Variants in COP1 observed in about 807,000 individuals in gnomAD.
COP1 encodes the protein E3 ubiquitin-protein ligase COP1.
A neutral mutation model predicts 101.3 loss-of-function variants in COP1; 24 were observed. The observed-to-expected ratio is 0.24, with a 90% CI of 0.17 to 0.33. The LOEUF is 0.33. COP1 is among the 10% of genes least tolerant of loss of function. The pLI is 1.00. For synonymous variants in COP1, 347 were observed against 341.9 expected, an observed-to-expected ratio of 1.01 and a Z score of -0.17; for missense variants, 663 against 906.2, an observed-to-expected ratio of 0.73 and a Z score of 3.45.
intron 14 of COP1, among the ~76,000 whole-genome samples, chr1:176,031,443 G>C (rs1236250607): frequency 6.6e-6 from 1 of 152,106 alleles, no homozygotes; most frequent in African/African-American, 2.4e-5. Flanking sequence ...TTGCAAGGAT[G>C]GTAGTAAGAA....
At chr1:176,041,823 A>C (rs1670594003) in intron 14 of COP1, among the ~76,000 whole-genome samples, 1 of 152,016 alleles carries the variant, frequency 6.6e-6, no homozygotes, top group Admixed American at 6.6e-5. Flanking sequence ...TAAAAAATTA[A>C]CTGGGTGAAG....
chr1:176,030,609 C>T (rs540086219), intron 14 of COP1, among the ~76,000 whole-genome samples: 3 of 152,056 alleles, frequency 2.0e-5, no homozygotes, highest in Non-Finnish European at 4.4e-5. Flanking sequence ...ACAACATTAA[C>T]CACCATGATT....
At position 176,036,935 on chromosome 1, in the gene COP1, A is replaced by T. The variant is rs369332609; in HGVS notation, c.1612+6251T>A. On this transcript the variant is annotated intron_variant, in intron 14 of 19. Coordinates refer to ENST00000367669, the MANE Select transcript of COP1 (RefSeq NM_022457.7). ...ATGCCCATAAATCTTGTAACAAATA[A>T]AATGTATCGATTCCCTGAAGGAAAT... 2.6e-3 allele frequency among the ~76,000 whole-genome samples: 400 copies of T among 152,302 alleles called. 3 individuals carry two copies. The highest frequency in any genetic ancestry group is 9.2e-3 in the African/African-American group (382 of 41,572).
At chr1:176,005,490 G>A (rs1288410821) in intron 15 of COP1, among the ~76,000 whole-genome samples, 1 of 152,110 alleles carries the variant, frequency 6.6e-6, no homozygotes, top group African/African-American at 2.4e-5. Flanking sequence ...TGGGCATTTA[G>A]TGCTATAAAT....
chr1:176,070,218 C>T (rs899951883), intron 11 of COP1, among the ~76,000 whole-genome samples: 1 of 152,118 alleles, frequency 6.6e-6, no homozygotes, highest in Non-Finnish European at 1.5e-5. Context: ...AACATCAAAT[C>T]AATCACGAAG....
intron 8 of COP1, among the ~76,000 whole-genome samples, chr1:176,121,898 T>A (rs1398403369): frequency 6.6e-6 from 1 of 151,946 alleles, no homozygotes; most frequent in Non-Finnish European, 1.5e-5. Context: ...CCCAGCACTT[T>A]AGGAGGCCAA....
intron 18 of COP1, among the ~76,000 whole-genome samples, chr1:175,980,669 C>T (rs79393117): frequency 0.042 from 6,340 of 152,060 alleles, 156 homozygotes; most frequent in Non-Finnish European, 0.047. Flanking sequence ...AAATGTCCAC[C>T]CTAATGACCA....
chr1:176,058,285 G>C (rs1434074041), intron 11 of COP1, among the ~76,000 whole-genome samples: 4 of 152,152 alleles, frequency 2.6e-5, no homozygotes, highest in African/African-American at 9.7e-5. Context: ...AGCTCATTGA[G>C]AACGGGCCAT....
At chr1:176,024,717 C>A (rs1322998729) in intron 15 of COP1, among the ~76,000 whole-genome samples, 1 of 151,838 alleles carries the variant, frequency 6.6e-6, no homozygotes, top group Non-Finnish European at 1.5e-5. Flanking sequence ...CACAATAAAA[C>A]AAGAATAAAG....
chr1:176,195,713 A>T (rs775353658), intron 1 of COP1, among the ~76,000 whole-genome samples: 25 of 152,262 alleles, frequency 1.6e-4, no homozygotes, highest in Non-Finnish European at 3.5e-4. Context: ...CATAAAAAAG[A>T]ATGAAATCAT....
intron 9 of COP1, among the ~76,000 whole-genome samples, chr1:176,100,941 G>C (rs2149502808): frequency 6.6e-6 from 1 of 152,174 alleles, no homozygotes; most frequent in Admixed American, 6.5e-5. Flanking sequence ...AACCGGATCT[G>C]ATGGATCCAG....
intron 15 of COP1, among the ~76,000 whole-genome samples, chr1:176,016,699 A>T (rs1425813635): frequency 6.6e-6 from 1 of 152,082 alleles, no homozygotes; most frequent in East Asian, 1.9e-4. Context: ...ATACACTTTT[A>T]TTGTGTTTAC....
Position 176,007,967 on chromosome 1 carries a change from C to G in COP1, c.1730-18488G>C, listed in dbSNP as rs189311307. ...CCTCGCTGCCGCCTTGCAGTTTGAT[C>G]TCAGACTGCTCTGCTAGCAATCAGG... On this transcript the variant is annotated intron_variant, in intron 15 of 19. Coordinates refer to ENST00000367669, the MANE Select transcript of COP1 (RefSeq NM_022457.7). 2.9e-4 allele frequency among the ~76,000 whole-genome samples: 44 copies of G among 152,300 alleles called. No homozygotes were observed. The East Asian group carries it at 7.5e-3, about 26-fold the overall frequency.
chr1:176,086,117 T>C (rs1680087284), intron 9 of COP1, among the ~76,000 whole-genome samples: 1 of 151,964 alleles, frequency 6.6e-6, no homozygotes, highest in African/African-American at 2.4e-5. Flanking sequence ...AAAAATAAGC[T>C]CTAAAGGACA....
intron 11 of COP1, among the ~76,000 whole-genome samples, chr1:176,071,083 T>C (rs1676921615): frequency 6.6e-6 from 1 of 152,230 alleles, no homozygotes; most frequent in Non-Finnish European, 1.5e-5. Flanking sequence ...CATATTGAAC[T>C]TGTAATCCAT....
At chr1:176,071,899 G>A (rs1050607383) in intron 11 of COP1, among the ~76,000 whole-genome samples, 2 of 152,146 alleles carry the variant, frequency 1.3e-5, no homozygotes, top group Non-Finnish European at 2.9e-5. Context: ...CTGTACTACT[G>A]ACAAGCCTCT....
chr1:176,068,106 G>A (rs1676337138), intron 11 of COP1, among the ~76,000 whole-genome samples: 1 of 152,210 alleles, frequency 6.6e-6, no homozygotes, highest in African/African-American at 2.4e-5. Context: ...TCTGTACTGT[G>A]AACCTAAAAC....
At chr1:176,057,944 G>A (rs1186913822) in intron 11 of COP1, among the ~76,000 whole-genome samples, 5 of 152,018 alleles carry the variant, frequency 3.3e-5, no homozygotes, top group East Asian at 3.9e-4. Context: ...CCTCTGCCCC[G>A]CCGCCCCTTC....
At chr1:176,204,355 C>A (rs1198735527) in intron 1 of COP1, among the ~76,000 whole-genome samples, 1 of 151,978 alleles carries the variant, frequency 6.6e-6, no homozygotes, top group African/African-American at 2.4e-5. Flanking sequence ...ATTATTTGAA[C>A]TTGGGCTTCG....
Sources: gnomAD v4.1 joint callset for allele counts (sites outside exome capture counted in the v4.1 genomes callset) on GRCh38, gnomAD v4.1.1 for gene constraint, MANE v1.5 for transcripts, NCBI Gene and HGNC (gene_info 2026-07-23, HGNC 2026-07-21) for gene names.